NEXMIF: variants seen among roughly 807,000 people sequenced by gnomAD.
The protein encoded by NEXMIF is neurite extension and migration factor.
NEXMIF carries 8 observed loss-of-function variants against 62.1 expected under a neutral mutation model. That is an observed-to-expected ratio of 0.13 (90% confidence interval 0.08 to 0.23). The LOEUF (loss-of-function observed/expected upper bound fraction) is 0.23. NEXMIF is among the 10% of genes least tolerant of loss of function. The pLI, the probability that NEXMIF is intolerant of heterozygous loss-of-function variation, is 1.00. For missense variants in NEXMIF, 976 were observed against 1,113.3 expected (o/e 0.88, Z 1.75); for synonymous variants, 404 against 416.6 (o/e 0.97, Z 0.37).
chrX:74,813,137 T>C (rs1268251252), intron 1 of NEXMIF, among the ~76,000 whole-genome samples: 1 of 111,787 alleles, frequency 8.9e-6, no homozygotes, highest in Non-Finnish European at 1.9e-5. Flanking sequence ...AGAAATATTT[T>C]AGTTAATTGA....
At chrX:74,891,967 C>T (rs1338888044) in intron 1 of NEXMIF, among the ~76,000 whole-genome samples, 1 of 112,275 alleles carries the variant, frequency 8.9e-6, no homozygotes, top group Non-Finnish European at 1.9e-5. Flanking sequence ...CGGGCTATTA[C>T]AAAATATTTG....
intron 1 of NEXMIF, among the ~76,000 whole-genome samples, chrX:74,767,576 T>A (rs2080198552): frequency 1.8e-5 from 2 of 111,009 alleles, no homozygotes; most frequent in African/African-American, 6.6e-5. Context: ...GTCAGTCAAC[T>A]GGAACAGCAA....
chrX:74,739,528 C>T, intron 3 of NEXMIF, 30 bp from the exon 4 acceptor site: 1 of 1,020,189 alleles, frequency 9.8e-7, no homozygotes, highest in Non-Finnish European at 1.4e-6. Flanking sequence ...TTTATGCCAT[C>T]TGAGTTAGTT....
At chrX:74,785,747 A>G (rs749725251) in intron 1 of NEXMIF, among the ~76,000 whole-genome samples, 1 of 112,180 alleles carries the variant, frequency 8.9e-6, no homozygotes, top group African/African-American at 3.2e-5. Context: ...GTAAAGATGA[A>G]AGGCAAAGTT....
At chrX:74,897,468 T>C (rs1259286896) in intron 1 of NEXMIF, among the ~76,000 whole-genome samples, 1 of 112,341 alleles carries the variant, frequency 8.9e-6, no homozygotes. Flanking sequence ...CTGGGTACTA[T>C]TTACTATCAT....
At chrX:74,770,531 A>G (rs1308180686) in intron 1 of NEXMIF, among the ~76,000 whole-genome samples, 3 of 112,204 alleles carry the variant, frequency 2.7e-5, no homozygotes, top group Non-Finnish European at 5.6e-5. Flanking sequence ...TCAGTTTTCC[A>G]ACTTGGAGAA....
intron 1 of NEXMIF, among the ~76,000 whole-genome samples, chrX:74,773,908 CAAAAAAA>C (rs61514458): frequency 5.3e-5 from 2 of 38,074 alleles, no homozygotes; most frequent in African/African-American, 2.2e-4. Flanking sequence ...GACTCCGTCT[CAAAAAAA>C]AAAAAAAAAA....
chrX:74,888,943 T>C (rs1215862359), intron 1 of NEXMIF, among the ~76,000 whole-genome samples: 1 of 111,644 alleles, frequency 9.0e-6, no homozygotes, highest in Non-Finnish European at 1.9e-5. Flanking sequence ...AACAAATTCA[T>C]CTAGAAACTT....
At chrX:74,816,669 C>T (rs1017315645) in intron 1 of NEXMIF, among the ~76,000 whole-genome samples, 5 of 111,937 alleles carry the variant, frequency 4.5e-5, no homozygotes. Flanking sequence ...ATCCCCTTCA[C>T]ATGGCATGAC....
At chrX:74,859,012 A>C (rs2080545629) in intron 1 of NEXMIF, among the ~76,000 whole-genome samples, 1 of 110,654 alleles carries the variant, frequency 9.0e-6, no homozygotes, top group African/African-American at 3.3e-5. Context: ...CATGCCTATA[A>C]AATCTAGAAA....
chrX:74,885,712 C>G (rs1327009146), intron 1 of NEXMIF, among the ~76,000 whole-genome samples: 3 of 111,773 alleles, frequency 2.7e-5, no homozygotes, highest in Non-Finnish European at 5.6e-5. Context: ...TGAATTCTAC[C>G]AGAGGTACAA....
chrX:74,897,773 AC>A (rs1233027911), intron 1 of NEXMIF, among the ~76,000 whole-genome samples: 4 of 111,816 alleles, frequency 3.6e-5, no homozygotes, highest in Non-Finnish European at 7.5e-5. Flanking sequence ...AGAAGGCAAA[AC>A]AAAAATCAAT....
intron 1 of NEXMIF, among the ~76,000 whole-genome samples, chrX:74,841,071 C>A (rs780304508): frequency 5.4e-5 from 6 of 111,795 alleles, no homozygotes; most frequent in Non-Finnish European, 7.5e-5. Context: ...TTGCTTTGGG[C>A]AGTATGATAA....
intron 1 of NEXMIF, among the ~76,000 whole-genome samples, chrX:74,847,280 G>A (rs1247945947): frequency 8.9e-6 from 1 of 112,141 alleles, no homozygotes; most frequent in African/African-American, 3.2e-5. Context: ...ACTCATCACT[G>A]TTAACTCAGC....
At chrX:74,869,221 T>A (rs1166579525) in intron 1 of NEXMIF, among the ~76,000 whole-genome samples, 2 of 111,607 alleles carry the variant, frequency 1.8e-5, no homozygotes. Context: ...AGGACAAAAA[T>A]CATGTGATCA....
chrX:74,885,811 A>C (rs772629574), intron 1 of NEXMIF, among the ~76,000 whole-genome samples: 1 of 111,747 alleles, frequency 8.9e-6, no homozygotes, highest in East Asian at 2.8e-4. Context: ...GGCCAGCATC[A>C]TCCTGATACC....
intron 1 of NEXMIF, among the ~76,000 whole-genome samples, chrX:74,809,391 C>T (rs1026513199): frequency 8.9e-6 from 1 of 112,148 alleles, no homozygotes; most frequent in Non-Finnish European, 1.9e-5. Flanking sequence ...GAGCTGCAAT[C>T]TGTCAAGCAT....
chrX:74,882,686 G>GGCCT (rs1206215196), intron 1 of NEXMIF, among the ~76,000 whole-genome samples: 1 of 112,205 alleles, frequency 8.9e-6, no homozygotes, highest in Admixed American at 9.4e-5. Flanking sequence ...AGCTCAAAGA[G>GGCCT]GCCTGCCTGC....
intron 1 of NEXMIF, among the ~76,000 whole-genome samples, chrX:74,808,127 G>C (rs768527677): frequency 7.2e-5 from 8 of 111,049 alleles, no homozygotes; most frequent in Non-Finnish European, 1.5e-4. Flanking sequence ...CTTGGGGCTG[G>C]GTGCAGTGGC....
Sources: gnomAD v4.1 joint callset for allele counts (sites outside exome capture counted in the v4.1 genomes callset) on GRCh38, gnomAD v4.1.1 for gene constraint, MANE v1.5 for transcripts, NCBI Gene and HGNC (gene_info 2026-07-23, HGNC 2026-07-21) for gene names.